Variants in GRIA1 observed in about 807,000 individuals in gnomAD.
The protein encoded by GRIA1 is glutamate ionotropic receptor AMPA type subunit 1.
Under a neutral mutation model 99.2 loss-of-function variants are expected in GRIA1, and 31 were observed. The ratio of observed to expected loss-of-function variants is 0.31; its 90% CI spans 0.23 to 0.42. The LOEUF is 0.42. GRIA1 is among the 10% of genes least tolerant of loss of function. GRIA1 has a pLI of 1.00. For synonymous variants in GRIA1, 438 were observed against 432.4 expected, an observed-to-expected ratio of 1.01 and a Z score of -0.16; for missense variants, 782 against 1,157.5, an observed-to-expected ratio of 0.68 and a Z score of 4.71.
chr5:153,698,316 G>A (rs1413870905), intron 9 of GRIA1, among the ~76,000 whole-genome samples, 162 bp downstream of exon 9: 1 of 152,204 alleles, frequency 6.6e-6, no homozygotes, highest in Non-Finnish European at 1.5e-5. Flanking sequence ...GAGGCTCTGA[G>A]TTTTCACTCT....
intron 11 of GRIA1, among the ~76,000 whole-genome samples, chr5:153,749,998 C>T (rs1045502982): frequency 4.6e-5 from 7 of 152,144 alleles, no homozygotes; most frequent in Non-Finnish European, 1.5e-5. Context: ...GTCCAGGGCC[C>T]TCCCCCATCT....
chr5:153,704,180 G>C (rs1381461082), intron 10 of GRIA1, among the ~76,000 whole-genome samples: 3 of 152,222 alleles, frequency 2.0e-5, no homozygotes, highest in African/African-American at 7.2e-5. Flanking sequence ...AGTAACCAGA[G>C]GAAATCTCTA....
intron 5 of GRIA1, among the ~76,000 whole-genome samples, chr5:153,668,055 A>G (rs907978498): frequency 6.6e-6 from 1 of 152,198 alleles, no homozygotes; most frequent in Non-Finnish European, 1.5e-5. Context: ...TTCTGTTCTC[A>G]ACTAATCCTC....
intron 2 of GRIA1, among the ~76,000 whole-genome samples, chr5:153,530,107 A>G (rs893849471): frequency 1.1e-4 from 17 of 152,194 alleles, no homozygotes; most frequent in African/African-American, 4.1e-4. Context: ...GGATGGTCTC[A>G]TGTGTTCCAT....
intron 2 of GRIA1, among the ~76,000 whole-genome samples, chr5:153,534,534 T>C (rs1353272862): frequency 6.6e-6 from 1 of 152,208 alleles, no homozygotes; most frequent in East Asian, 1.9e-4. Context: ...ACCCCTCCAG[T>C]CATGGGATGG....
intron 2 of GRIA1, among the ~76,000 whole-genome samples, chr5:153,581,355 T>C (rs965086247): frequency 1.3e-5 from 2 of 152,224 alleles, no homozygotes. Flanking sequence ...ACAAGCTGGA[T>C]GGTAGCCTGA....
chr5:153,592,729 T>C (rs1172036453), intron 2 of GRIA1, among the ~76,000 whole-genome samples: 1 of 152,200 alleles, frequency 6.6e-6, no homozygotes, highest in Non-Finnish European at 1.5e-5. Context: ...TGGGCTGCTA[T>C]AACAAATACT....
chr5:153,758,974 A>C (rs1166503881), intron 11 of GRIA1, among the ~76,000 whole-genome samples: 1 of 152,000 alleles, frequency 6.6e-6, no homozygotes, highest in Non-Finnish European at 1.5e-5. Context: ...GAAATTAAAC[A>C]ACATTCTCCT....
At chr5:153,588,361 C>T (rs1763678486) in intron 2 of GRIA1, among the ~76,000 whole-genome samples, 1 of 152,206 alleles carries the variant, frequency 6.6e-6, no homozygotes, top group Non-Finnish European at 1.5e-5. Flanking sequence ...CCCATGCCTC[C>T]ATTACTCCTC....
At chr5:153,564,877 C>T (rs1157079054) in intron 2 of GRIA1, among the ~76,000 whole-genome samples, 1 of 152,186 alleles carries the variant, frequency 6.6e-6, no homozygotes, top group Admixed American at 6.5e-5. Context: ...ATGAATATGT[C>T]AGAAAGTAGT....
Position 153,518,112 on chromosome 5 carries a change from C to T in GRIA1, c.220+24047C>T, listed in dbSNP as rs182131613. Among the ~76,000 whole-genome samples the T allele has an allele frequency of 1.8e-3, 267 of 152,316 alleles. 3 individuals carry two copies. The highest frequency in any genetic ancestry group is 5.9e-3 in the African/African-American group (245 of 41,558). ...TTCACTATTCAGGTCCCAATTCCCA[C>T]GTTACTTTCTCAGAGAGTGTTCCCT... On this transcript the variant is annotated intron_variant, in intron 2 of 15. Coordinates refer to ENST00000285900, the MANE Select transcript of GRIA1 (RefSeq NM_000827.4).
At position 153,794,717 on chromosome 5, in the gene GRIA1, C is replaced by G; in HGVS notation, c.2367C>G (p.Ser789Arg). ...GGTACGACAAGGGCGAGTGCGGCAG[C>G]GGGGGAGGTGATTCCAAGGTCAGCC... ...KWWYDKGECG[S>R]GGGDSKDKTS... Residue 789 changes from serine (S) to arginine (R), a missense_variant, in exon 14 of 16, where the codon AGC (serine) becomes AGG (arginine). Physicochemically the swap from Ser to Arg is moderately radical, Grantham distance 110. Transcript: ENST00000285900. The G allele has an allele frequency of 6.2e-7, 1 of 1,610,050 alleles. No individual in the cohort carries two copies. The highest frequency in any genetic ancestry group is 8.5e-7 in the Non-Finnish European group (1 of 1,176,988).
At chr5:153,540,205 A>G (rs541345052) in intron 2 of GRIA1, among the ~76,000 whole-genome samples, 1 of 152,316 alleles carries the variant, frequency 6.6e-6, no homozygotes, top group South Asian at 2.1e-4. Context: ...GGCCAGCCAG[A>G]TCGGGCAAGC....
intron 11 of GRIA1, among the ~76,000 whole-genome samples, chr5:153,731,161 T>G (rs1164034864): frequency 6.6e-6 from 1 of 152,090 alleles, no homozygotes; most frequent in East Asian, 1.9e-4. Context: ...ATTCGAACCC[T>G]GTGAAATTTA....
At chr5:153,501,997 C>T (rs903868180) in intron 2 of GRIA1, among the ~76,000 whole-genome samples, 5 of 152,222 alleles carry the variant, frequency 3.3e-5, no homozygotes, top group Non-Finnish European at 7.3e-5. Context: ...CTGCCATTTC[C>T]TTCACTTACA....
intron 2 of GRIA1, among the ~76,000 whole-genome samples, chr5:153,587,992 C>G (rs182281767): frequency 1.5e-4 from 23 of 152,272 alleles, no homozygotes; most frequent in Non-Finnish European, 3.1e-4. Context: ...ATACCAAAAT[C>G]TTAGGTTCTA....
At chr5:153,793,029 C>T (rs764771677) in intron 13 of GRIA1, among the ~76,000 whole-genome samples, 88 of 152,198 alleles carry the variant, frequency 5.8e-4, no homozygotes, top group Admixed American at 4.2e-3. Flanking sequence ...AGCTGCCCAG[C>T]GACTGACAAG....
chr5:153,489,727 G>C, upstream of GRIA1: 1 of 454,350 alleles, frequency 2.2e-6, no homozygotes, highest in South Asian at 1.6e-5. Context: ...GTCTAGGAGA[G>C]TCTATGAAGT....
intron 11 of GRIA1, chr5:153,755,523 T>G (rs1431284106): frequency 6.6e-6 from 1 of 152,146 alleles, no homozygotes; most frequent in Non-Finnish European, 1.5e-5. Flanking sequence ...TATAGTGACG[T>G]CCCAGGAGCA....
Sources: allele counts gnomAD v4.1 joint callset (sites outside exome capture counted in the v4.1 genomes callset), GRCh38; gene constraint gnomAD v4.1.1; transcripts MANE v1.5; gene names NCBI Gene and HGNC (gene_info 2026-07-23, HGNC 2026-07-21).